Variants in DLGAP2 observed in about 807,000 individuals in gnomAD.
DLGAP2 encodes DLG associated protein 2.
In DLGAP2, 26 loss-of-function variants were observed where a neutral mutation model predicts 100.3. The observed-to-expected ratio is 0.26, with a 90% CI of 0.19 to 0.36. The LOEUF is 0.36. Ranked by LOEUF, DLGAP2 falls within the 10% of genes least tolerant of loss-of-function variation. DLGAP2 has a pLI of 1.00. For synonymous variants in DLGAP2, 886 were observed against 630.1 expected, an observed-to-expected ratio of 1.41 and a Z score of -6.08; for missense variants, 1,858 against 1,453.2, an observed-to-expected ratio of 1.28 and a Z score of -4.53.
intron 2 of DLGAP2, among the ~76,000 whole-genome samples, chr8:1,125,005 C>T (rs1192546038): frequency 6.6e-6 from 1 of 152,192 alleles, no homozygotes; most frequent in Non-Finnish European, 1.5e-5. Flanking sequence ...CATCGTCTCC[C>T]TCGTCTCTGA....
At chr8:937,337 T>G (rs1799094973) in intron 2 of DLGAP2, among the ~76,000 whole-genome samples, 1 of 152,216 alleles carries the variant, frequency 6.6e-6, no homozygotes, top group African/African-American at 2.4e-5. Flanking sequence ...ATGTTTTAAG[T>G]TTTTCATCAT....
chr8:889,563 CTG>C (rs1470335948), intron 1 of DLGAP2, among the ~76,000 whole-genome samples: 1 of 152,214 alleles, frequency 6.6e-6, no homozygotes, highest in Admixed American at 6.5e-5. Flanking sequence ...GAAGAGCACT[CTG>C]GACACAGACG....
intron 3 of DLGAP2, among the ~76,000 whole-genome samples, chr8:1,268,234 A>C (rs1367605395): frequency 1.3e-5 from 2 of 152,182 alleles, no homozygotes; most frequent in African/African-American, 4.8e-5. Context: ...ATTTTTGGTC[A>C]CTGGGTAATT....
In DLGAP2 at chr8:1,549,350, G is replaced by A. The variant is rs1383323073; in HGVS notation, c.897G>A (p.Ser299=). 3.7e-6 allele frequency: 6 copies of A among 1,613,232 alleles called. No individual in the cohort carries two copies. Among genetic ancestry groups the A allele is most frequent in the East Asian group, 2.2e-5 (1 of 44,876 alleles). Residue 299 remains serine (S), a synonymous_variant, in exon 5 of 15, where the codon TCG becomes TCA. Coordinates refer to ENST00000637795, the MANE Select transcript of DLGAP2 (RefSeq NM_001346810.2). ...PRPGMSSWWS[S]DDNLDSDSTY... is the part of the protein sequence containing the mutation. ...CCGGCATGAGCAGCTGGTGGAGCTC[G>A]GACGACAACCTGGACAGCGACAGCA...
intron 5 of DLGAP2, among the ~76,000 whole-genome samples, chr8:1,555,499 A>C (rs531636255): frequency 3.9e-5 from 6 of 152,150 alleles, no homozygotes; most frequent in African/African-American, 1.2e-4. Flanking sequence ...CTGCCACAGA[A>C]TCCTCTCCCA....
At chr8:1,503,245 T>C (rs1397262728) in intron 4 of DLGAP2, among the ~76,000 whole-genome samples, 1 of 152,152 alleles carries the variant, frequency 6.6e-6, no homozygotes, top group Non-Finnish European at 1.5e-5. Flanking sequence ...AACTTTTTCC[T>C]CTTCTGCAAG....
chr8:1,452,239 C>CGTGTTCTGTGGCCAT (rs1400120194), intron 3 of DLGAP2, among the ~76,000 whole-genome samples: 1 of 150,804 alleles, frequency 6.6e-6, no homozygotes, highest in Non-Finnish European at 1.5e-5. Context: ...TCTGTGGCTG[C>CGTGTTCTGTGGCCAT]GTGTTCTGTG....
chr8:1,630,607 C>T (rs1036747365), intron 7 of DLGAP2, among the ~76,000 whole-genome samples: 2 of 151,556 alleles, frequency 1.3e-5, no homozygotes, highest in Non-Finnish European at 2.9e-5. Context: ...GAGGCCGAGG[C>T]AGGAGAATGG....
intron 12 of DLGAP2, among the ~76,000 whole-genome samples, chr8:1,689,734 C>G (rs1419076526): frequency 1.3e-5 from 2 of 152,114 alleles, no homozygotes; most frequent in East Asian, 3.9e-4. Flanking sequence ...CTTGAAGGGC[C>G]CACGCTGAAA....
chr8:1,528,425 C>G (rs1297110785), intron 4 of DLGAP2, among the ~76,000 whole-genome samples: 2 of 152,228 alleles, frequency 1.3e-5, no homozygotes, highest in Admixed American at 6.5e-5. Context: ...GTCATAAACT[C>G]CTAAGCCCAG....
intron 3 of DLGAP2, among the ~76,000 whole-genome samples, chr8:1,267,314 T>G (rs1799475684): frequency 6.6e-6 from 1 of 150,810 alleles, no homozygotes; most frequent in Non-Finnish European, 1.5e-5. Context: ...CGCCTGTAAT[T>G]CCAGCACTTT....
intron 3 of DLGAP2, among the ~76,000 whole-genome samples, chr8:1,500,133 G>A (rs529786888): frequency 7.2e-5 from 11 of 152,348 alleles, no homozygotes; most frequent in Admixed American, 3.9e-4. Context: ...ACAAAGATGT[G>A]TGTACGCACA....
intron 2 of DLGAP2, among the ~76,000 whole-genome samples, chr8:1,218,444 C>G (rs1257037496): frequency 1.3e-5 from 2 of 151,834 alleles, no homozygotes; most frequent in African/African-American, 2.4e-5. Context: ...TTCCATTGGT[C>G]TATGTGTCTG....
chr8:1,258,730 C>A, intron 2 of DLGAP2, 121 bp from the exon 3 acceptor site: 2 of 837,314 alleles, frequency 2.4e-6, no homozygotes, highest in Non-Finnish European at 1.6e-6. Flanking sequence ...TCCACTGGCT[C>A]TGGTGTGGTC....
chr8:1,168,715 T>G (rs1797068109), intron 2 of DLGAP2, among the ~76,000 whole-genome samples: 1 of 144,650 alleles, frequency 6.9e-6, no homozygotes, highest in South Asian at 2.2e-4. Flanking sequence ...TTTGCCCACT[T>G]TTTGATGGGG....
At position 1,102,990 on chromosome 8, in the gene DLGAP2, C is replaced by T. The variant is rs368406459; in HGVS notation, c.74-155861C>T. On this transcript the variant is annotated intron_variant, in intron 2 of 14. Coordinates refer to ENST00000637795, the MANE Select transcript of DLGAP2 (RefSeq NM_001346810.2). ...GGTCTTCATGAGATTCTGGGGTCTTCGTGAGTCTGTGGTTCCCTATGAGTC... is the reference window on the plus strand; with the variant it reads ...GGTCTTCATGAGATTCTGGGGTCTTTGTGAGTCTGTGGTTCCCTATGAGTC... 6.0e-5 allele frequency among the ~76,000 whole-genome samples: 9 copies of T among 150,978 alleles called. No individual in the cohort carries two copies. In the East Asian group the frequency reaches 1.2e-3, roughly 20 times the overall value.
chr8:1,304,807 T>C (rs1735349325), intron 3 of DLGAP2, among the ~76,000 whole-genome samples: 1 of 152,182 alleles, frequency 6.6e-6, no homozygotes, highest in Non-Finnish European at 1.5e-5. Context: ...TTGTGGATCA[T>C]CATCAATTAT....
intron 1 of DLGAP2, among the ~76,000 whole-genome samples, chr8:889,878 C>T (rs908138761): frequency 3.3e-5 from 5 of 152,194 alleles, no homozygotes; most frequent in Non-Finnish European, 7.3e-5. Flanking sequence ...AACTGTAGGC[C>T]CCAGTGGCGT....
At chr8:1,695,020 G>A (rs1052486779) in intron 13 of DLGAP2, among the ~76,000 whole-genome samples, 1 of 152,198 alleles carries the variant, frequency 6.6e-6, no homozygotes, top group Admixed American at 6.5e-5. Context: ...CCAAAGGACG[G>A]GTGTGTTGTT....
Sources: allele counts gnomAD v4.1 joint callset (sites outside exome capture counted in the v4.1 genomes callset), GRCh38; gene constraint gnomAD v4.1.1; transcripts MANE v1.5; gene names NCBI Gene and HGNC (gene_info 2026-07-23, HGNC 2026-07-21).